HMGN5: variants seen among roughly 807,000 people sequenced by gnomAD.
The protein encoded by HMGN5 is high mobility group nucleosome-binding domain-containing protein 5.
Under a neutral mutation model 9.5 loss-of-function variants are expected in HMGN5, and 4 were observed. The observed-to-expected ratio is 0.42, with a 90% CI of 0.21 to 0.96. HMGN5 has a LOEUF of 0.96. HMGN5 is among the 40% of genes least tolerant of loss of function. The probability of loss-of-function intolerance (pLI) is 0.30; values close to 1 mark genes in which losing one functional copy is unlikely to be tolerated. For missense variants in HMGN5, 192 were observed against 187.5 expected (o/e 1.02, Z -0.14); for synonymous variants, 55 against 57.1 (o/e 0.96, Z 0.16).
At chrX:81,146,630 C>T (rs1341782366) in intron 1 of HMGN5, among the ~76,000 whole-genome samples, 1 of 111,367 alleles carries the variant, frequency 9.0e-6, no homozygotes, top group African/African-American at 3.3e-5. Context: ...TAGCAGAAGA[C>T]AAGAAATAAC....
chrX:81,115,072 C>T lies in HMGN5; in HGVS notation c.426G>A (p.Gly142=). The T allele has an allele frequency of 8.6e-7, 1 of 1,158,396 alleles. No homozygotes were observed. The highest frequency in any genetic ancestry group is 1.1e-6 in the Non-Finnish European group (1 of 869,925). Residue 142 remains glycine, a synonymous_variant, in exon 7 of 7, where the codon GGG becomes GGA. Transcript: ENST00000358130. The stretch of plus-strand genomic sequence containing the variant: ...CATCTTTGTCTTCTTTTCCAGCTTC[C>T]CCTTTCTCTTCGTTTTGATCTTCTT... ...EDEEDQNEEK[G]EAGKEDKDEK... is the part of the protein sequence containing the mutation.
At chrX:81,195,668 C>G (rs2075506138) in intron 1 of HMGN5, among the ~76,000 whole-genome samples, 1 of 111,410 alleles carries the variant, frequency 9.0e-6, no homozygotes, top group African/African-American at 3.3e-5. Flanking sequence ...TGATACCCAA[C>G]GGAAGAGTGG....
chrX:81,188,746 G>T (rs1460464981), intron 1 of HMGN5, among the ~76,000 whole-genome samples: 1 of 110,002 alleles, frequency 9.1e-6, no homozygotes, highest in Admixed American at 9.7e-5. Flanking sequence ...TTGTCCCTGC[G>T]ATAGTTTGCT....
At chrX:81,166,674 C>T (rs1446809012) in intron 1 of HMGN5, among the ~76,000 whole-genome samples, 4 of 111,689 alleles carry the variant, frequency 3.6e-5, no homozygotes, top group Non-Finnish European at 5.6e-5. Context: ...CAATGCCTTC[C>T]GCAACTGGAA....
At chrX:81,191,144 TCAAA>T (rs1280663836) in intron 1 of HMGN5, among the ~76,000 whole-genome samples, 1 of 112,422 alleles carries the variant, frequency 8.9e-6, no homozygotes, top group Non-Finnish European at 1.9e-5. Flanking sequence ...GTTATCTTGC[TCAAA>T]CAATTTATTA....
At chrX:81,139,551 A>G (rs1346857597) in intron 1 of HMGN5, among the ~76,000 whole-genome samples, 2 of 111,658 alleles carry the variant, frequency 1.8e-5, no homozygotes, top group South Asian at 7.5e-4. Context: ...GAGCTGTCAC[A>G]GTACCTGGTT....
intron 1 of HMGN5, among the ~76,000 whole-genome samples, chrX:81,198,478 G>C (rs2075515504): frequency 9.0e-6 from 1 of 110,849 alleles, no homozygotes; most frequent in South Asian, 3.8e-4. Context: ...AAAATCCTCA[G>C]TAAAATACTG....
chrX:81,183,382 C>T (rs898067911), intron 1 of HMGN5, among the ~76,000 whole-genome samples: 1 of 112,629 alleles, frequency 8.9e-6, no homozygotes, highest in African/African-American at 3.2e-5. Context: ...ATTTCCTGAG[C>T]CAGACCCAGG....
chrX:81,147,629 T>C (rs1473702675), intron 1 of HMGN5, among the ~76,000 whole-genome samples: 1 of 111,195 alleles, frequency 9.0e-6, no homozygotes, highest in Admixed American at 9.6e-5. Context: ...AAGTTCTGGC[T>C]AGGGCAATCA....
intron 1 of HMGN5, among the ~76,000 whole-genome samples, chrX:81,144,121 G>A (rs967824818): frequency 1.8e-5 from 2 of 111,659 alleles, no homozygotes; most frequent in Non-Finnish European, 3.8e-5. Context: ...AAGAGCATCT[G>A]ATCTCCCAGA....
At chrX:81,195,571 G>GT (rs1035153804) in intron 1 of HMGN5, among the ~76,000 whole-genome samples, 2 of 111,405 alleles carry the variant, frequency 1.8e-5, no homozygotes, top group African/African-American at 6.5e-5. Flanking sequence ...GACTTCTGAG[G>GT]TTTTAAGGGG....
intron 1 of HMGN5, among the ~76,000 whole-genome samples, chrX:81,141,393 C>T (rs756697038): frequency 4.5e-5 from 5 of 110,351 alleles, no homozygotes; most frequent in Non-Finnish European, 9.5e-5. Context: ...TCTGACCCAG[C>T]TCAGTTATAG....
chrX:81,200,825 G>T (rs2075524477), intron 1 of HMGN5, among the ~76,000 whole-genome samples: 1 of 111,109 alleles, frequency 9.0e-6, no homozygotes, highest in Non-Finnish European at 1.9e-5. Flanking sequence ...CCTGCACGTT[G>T]TGCACATGTA....
chrX:81,153,153 A>T (rs1042120984), intron 1 of HMGN5, among the ~76,000 whole-genome samples: 5 of 108,731 alleles, frequency 4.6e-5, no homozygotes, highest in African/African-American at 1.3e-4. Context: ...AATAATAATT[A>T]AAAAAAATAA....
chrX:81,186,887 T>C (rs1952373637), intron 1 of HMGN5, among the ~76,000 whole-genome samples: 1 of 111,504 alleles, frequency 9.0e-6, no homozygotes, highest in South Asian at 3.7e-4. Context: ...TAGATTTCGG[T>C]ATGTTGTGTT....
At chrX:81,153,235 T>A (rs1319263116) in intron 1 of HMGN5, among the ~76,000 whole-genome samples, 1 of 108,462 alleles carries the variant, frequency 9.2e-6, no homozygotes, top group African/African-American at 3.4e-5. Flanking sequence ...AACGAAATAC[T>A]TCAAAACTGA....
intron 1 of HMGN5, among the ~76,000 whole-genome samples, chrX:81,160,186 T>C (rs2075394600): frequency 9.0e-6 from 1 of 111,433 alleles, no homozygotes; most frequent in Non-Finnish European, 1.9e-5. Context: ...TAGGATTTGT[T>C]GGGTGTTTCT....
intron 1 of HMGN5, among the ~76,000 whole-genome samples, chrX:81,129,903 CCAA>C (rs745445276): frequency 9.0e-6 from 1 of 111,286 alleles, no homozygotes; most frequent in East Asian, 2.8e-4. Context: ...TGTAATTTTT[CCAA>C]CAAAGTACGC....
chrX:81,171,127 A>G (rs1489104273), intron 1 of HMGN5, among the ~76,000 whole-genome samples: 1 of 111,531 alleles, frequency 9.0e-6, no homozygotes, highest in Non-Finnish European at 1.9e-5. Context: ...TTATTCTAAC[A>G]TCTTATTTGT....
Sources: allele counts gnomAD v4.1 joint callset (sites outside exome capture counted in the v4.1 genomes callset), GRCh38; gene constraint gnomAD v4.1.1; transcripts MANE v1.5; gene names NCBI Gene and HGNC (gene_info 2026-07-23, HGNC 2026-07-21).